TRAK2: variants seen among roughly 807,000 people sequenced by gnomAD.
The protein encoded by TRAK2 is trafficking kinesin protein 2.
A neutral mutation model predicts 104.6 loss-of-function variants in TRAK2; 81 were observed. That is an observed-to-expected ratio of 0.77 (90% CI 0.65 to 0.93). The LOEUF (loss-of-function observed/expected upper bound fraction) is 0.93. Among genes scored for constraint, TRAK2 ranks in the 40% least tolerant of loss-of-function variants. The probability of loss-of-function intolerance (pLI) is 0.00; values close to 1 mark genes in which losing one functional copy is unlikely to be tolerated. For missense variants in TRAK2, 1,002 were observed against 1,089.0 expected (o/e 0.92, Z 1.12); for synonymous variants, 406 against 394.4 (o/e 1.03, Z -0.35).
rs1450986706 is a variant in TRAK2 at position 201,377,914 on chromosome 2, C to A, written c.*2629G>T. ...AAAAGATTGAGGTTTCCTATACTGG[C>A]ATGAAAGTACACATACAATTTTTAT... On this transcript the variant is annotated 3_prime_UTR_variant, in exon 16 of 16. Coordinates refer to ENST00000332624, the MANE Select transcript of TRAK2 (RefSeq NM_015049.3). 2.6e-5 allele frequency: 4 copies of A among 152,146 alleles called. No individual in the cohort carries two copies. Among genetic ancestry groups the A allele is most frequent in the Non-Finnish European group, 5.9e-5 (4 of 67,958 alleles). The allele number at this position is 152,146 out of a possible 1,614,324, so 9.4% of individuals were successfully genotyped here.
chr2:201,385,172 T>TA (rs1258810298), intron 14 of TRAK2, among the ~76,000 whole-genome samples: 4 of 152,194 alleles, frequency 2.6e-5, no homozygotes, highest in Admixed American at 6.5e-5. Context: ...GTGGTGATAT[T>TA]AATATGATTT....
intron 1 of TRAK2, among the ~76,000 whole-genome samples, chr2:201,427,130 G>A (rs1031324188): frequency 6.6e-6 from 1 of 152,010 alleles, no homozygotes; most frequent in South Asian, 2.1e-4. Context: ...CACTCCTGTC[G>A]GCTTCCCCCT....
At chr2:201,396,204 T>C (rs1282174698) in intron 7 of TRAK2, among the ~76,000 whole-genome samples, 1 of 152,218 alleles carries the variant, frequency 6.6e-6, no homozygotes, top group Non-Finnish European at 1.5e-5. Context: ...AGGATGGCGA[T>C]ACACAGGCAG....
intron 1 of TRAK2, among the ~76,000 whole-genome samples, chr2:201,449,392 TAG>T (rs1489601659): frequency 6.6e-6 from 1 of 152,152 alleles, no homozygotes; most frequent in East Asian, 1.9e-4. Context: ...ATTAGTGTGA[TAG>T]GTTTGTTAAA....
At chr2:201,394,926 T>G in intron 8 of TRAK2, 54 bp from the exon 9 acceptor site, 4 of 1,375,470 alleles carry the variant, frequency 2.9e-6, no homozygotes, top group Non-Finnish European at 4.1e-6. Context: ...AATATAGCTA[T>G]TCTCTTTCTT....
At chr2:201,411,730 A>G (rs574914365) in intron 2 of TRAK2, 240 of 781,236 alleles carry the variant, frequency 3.1e-4, no homozygotes, top group Non-Finnish European at 5.1e-4. Context: ...ATTTGTTGTA[A>G]GAAGGGTAGG....
intron 7 of TRAK2, 61 bp downstream of exon 7, chr2:201,397,441 T>G: frequency 1.5e-5 from 18 of 1,168,960 alleles, no homozygotes; most frequent in Non-Finnish European, 2.1e-5. Flanking sequence ...ACTTCCGAGG[T>G]GGAGATACCC....
At chr2:201,432,609 C>T (rs1169404160) in intron 1 of TRAK2, among the ~76,000 whole-genome samples, 1 of 152,230 alleles carries the variant, frequency 6.6e-6, no homozygotes, top group Non-Finnish European at 1.5e-5. Flanking sequence ...CAGGACACAA[C>T]ATGGCTAATG....
chr2:201,441,508 A>G (rs1318528191), intron 1 of TRAK2, among the ~76,000 whole-genome samples: 1 of 152,206 alleles, frequency 6.6e-6, no homozygotes, highest in Non-Finnish European at 1.5e-5. Flanking sequence ...AATAAAACAA[A>G]GGCAAATTCA....
At chr2:201,443,010 T>C (rs1487032130) in intron 1 of TRAK2, among the ~76,000 whole-genome samples, 1 of 152,200 alleles carries the variant, frequency 6.6e-6, no homozygotes, top group Non-Finnish European at 1.5e-5. Context: ...CTCCATTAAT[T>C]ATCCCTATCC....
chr2:201,412,640 A>G lies in TRAK2; in HGVS notation c.92-5043T>C, dbSNP rs144324648. On this transcript the variant is annotated intron_variant, in intron 2 of 15. Coordinates refer to ENST00000332624, the MANE Select transcript of TRAK2 (RefSeq NM_015049.3). ...AAATATTCAGGATTTGGAAGACACA[A>G]TGAAGGTAAATTTGGGTCCCATTCT... The G allele has an allele frequency of 2.5e-4, 385 of 1,564,754 alleles. 3 individuals carry two copies. The African/African-American group carries it at 4.7e-3, about 19-fold the overall frequency.
At chr2:201,431,204 T>C (rs767481549) in intron 1 of TRAK2, among the ~76,000 whole-genome samples, 3 of 152,224 alleles carry the variant, frequency 2.0e-5, no homozygotes, top group Non-Finnish European at 2.9e-5. Context: ...GGTTTGCTAA[T>C]AACAAAAAAG....
At chr2:201,431,931 A>G (rs1951845512) in intron 1 of TRAK2, among the ~76,000 whole-genome samples, 1 of 152,220 alleles carries the variant, frequency 6.6e-6, no homozygotes, top group South Asian at 2.1e-4. Context: ...ACAGGATAAT[A>G]GTAGCAGCTA....
Position 201,407,551 on chromosome 2 carries a change from C to T in TRAK2, c.138G>A (p.Leu46=). The part of the protein sequence containing the change: ...EDLPEVELVS[L]LEEQLPQYRL... ...TATACTGTGGTAGTTGTTCTTCTAG[C>T]AGACTCACCAGCTCAACTTCAGGGA... The change falls in exon 3 of 16, where the codon CTG becomes CTA. Residue 46 remains leucine (L), a synonymous_variant. Coordinates refer to ENST00000332624, the MANE Select transcript of TRAK2 (RefSeq NM_015049.3). 1.2e-6 allele frequency: 2 copies of T among 1,613,916 alleles called. No individual in the cohort carries two copies. Among genetic ancestry groups the T allele is most frequent in the Middle Eastern group, 1.7e-4 (1 of 5,954 alleles).
intron 2 of TRAK2, chr2:201,419,051 C>T (rs1951717215): frequency 1.3e-5 from 2 of 152,028 alleles, no homozygotes; most frequent in South Asian, 4.1e-4. Context: ...TTTTAATGGG[C>T]AAATGATTTG....
rs771812770 is a variant in TRAK2 at position 201,397,580 on chromosome 2, C to A, written c.691G>T (p.Ala231Ser). The change falls in exon 7 of 16, where the codon GCT becomes TCT. Residue 231 changes from alanine (A) to serine (S), a missense_variant and splice_region_variant. By Grantham distance (99) the Ala-to-Ser change is moderately conservative. Coordinates refer to ENST00000332624, the MANE Select transcript of TRAK2 (RefSeq NM_015049.3). Reference protein sequence around the residue: ...EEENMALRSKACHIKTETVTY... With the variant: ...EEENMALRSKSCHIKTETVTY... Reference sequence around the variant, plus strand: ...ACAGTTTCTGTCTTTATGTGACAAGCCTTCAAGAAAAAAATCAGTATGTGA... The same window carrying A: ...ACAGTTTCTGTCTTTATGTGACAAGACTTCAAGAAAAAAATCAGTATGTGA... 5 of 1,609,188 alleles carry A rather than the reference C, an allele frequency of 3.1e-6. No homozygotes were observed. Among genetic ancestry groups the A allele is most frequent in the East Asian group, 2.2e-5 (1 of 44,808 alleles).
At chr2:201,398,063 G>T in intron 6 of TRAK2, 82 bp downstream of exon 6, 1 of 1,286,076 alleles carries the variant, frequency 7.8e-7, no homozygotes, top group Non-Finnish European at 1.1e-6. Context: ...CCTTACTTAT[G>T]CCATATTTCA....
Position 201,380,670 on chromosome 2 carries a change from T to C in TRAK2, c.2618A>G (p.Tyr873Cys), listed in dbSNP as rs1951332888. 3.1e-6 allele frequency: 5 copies of C among 1,613,962 alleles called. 1 individual carries two copies. The highest frequency in any genetic ancestry group is 2.7e-5 in the African/African-American group (2 of 74,902). The change falls in exon 16 of 16, where the codon TAT (tyrosine) becomes TGT (cysteine). Residue 873 changes from tyrosine to cysteine, a missense_variant. Physicochemically the swap from Tyr to Cys is radical, Grantham distance 194. Coordinates refer to ENST00000332624, the MANE Select transcript of TRAK2 (RefSeq NM_015049.3). Reference sequence around the variant, plus strand: ...TAATAAACTGCTACCTGAATTTAAATAAACAGCAGAATCTGGTTTTTGAGG... The same window carrying C: ...TAATAAACTGCTACCTGAATTTAAACAAACAGCAGAATCTGGTTTTTGAGG... Reference protein sequence around the residue: ...IGPQKPDSAVYLNSGSSLLGG... With the variant: ...IGPQKPDSAVCLNSGSSLLGG...
In TRAK2 at chr2:201,407,569, T is replaced by C. The variant is rs573603932; in HGVS notation, c.120A>G (p.Glu40=). Residue 40 remains glutamate, a synonymous_variant, in exon 3 of 16, where the codon GAA becomes GAG. Transcript: ENST00000332624. ...CTTCTAGCAGACTCACCAGCTCAAC[T>C]TCAGGGAGATCCTCATTGGAGCAGA... The part of the protein sequence containing the change: ...TDVCSNEDLP[E]VELVSLLEEQ... The C allele has an allele frequency of 9.0e-5, 145 of 1,613,726 alleles. 3 individuals carry two copies. In the South Asian group the frequency reaches 1.5e-3, roughly 17 times the overall value.
Sources: allele counts gnomAD v4.1 joint callset (sites outside exome capture counted in the v4.1 genomes callset), GRCh38; gene constraint gnomAD v4.1.1; transcripts MANE v1.5; gene names NCBI Gene and HGNC (gene_info 2026-07-23, HGNC 2026-07-21).